The following CEL variants were observed in gnomAD, a reference collection of about 807,000 sequenced individuals.
The protein encoded by CEL is bile salt-activated lipase.
CEL carries 39 observed loss-of-function variants against 57.1 expected under a neutral mutation model. That is an observed-to-expected ratio of 0.68 (90% CI 0.53 to 0.89). The LOEUF (loss-of-function observed/expected upper bound fraction) is 0.89, where lower values mean the gene tolerates loss of function less well. Ranked by LOEUF, CEL falls within the 40% of genes least tolerant of loss-of-function variation. The pLI is 0.00. For synonymous variants in CEL, 314 were observed against 396.6 expected, an observed-to-expected ratio of 0.79 and a Z score of 2.48; for missense variants, 698 against 915.0, an observed-to-expected ratio of 0.76 and a Z score of 3.06.
chr9:133,065,522 T>C (rs560166742), intron 4 of CEL, among the ~76,000 whole-genome samples: 3 of 150,510 alleles, frequency 2.0e-5, no homozygotes, highest in East Asian at 2.0e-4. Context: ...TGAAAATCAC[T>C]GGGAGACCCC....
In CEL at chr9:133,066,493, C is replaced by A. The variant is rs749761906; in HGVS notation, c.539-37C>A. ...CCTCCTGGAGGCCAGGCCTGGGCCA[C>A]TGGTCTCTAGCACCCCCTCCCCTGC... is the stretch of plus-strand genomic sequence containing the variant. On this transcript the variant is annotated intron_variant, in intron 4 of 10. Coordinates refer to ENST00000372080, the MANE Select transcript of CEL (RefSeq NM_001807.6). The surrounding 1 kb of genome is among the most constrained non-coding windows in gnomAD (Gnocchi z 4.3). 6.2e-6 allele frequency: 10 copies of A among 1,613,394 alleles called. No individual in the cohort carries two copies. Among genetic ancestry groups the A allele is most frequent in the Non-Finnish European group, 8.5e-6 (10 of 1,179,932 alleles).
rs1361648890 is a variant in CEL, at chr9:133,071,769, C to T, written c.*5C>T. The T allele has an allele frequency of 6.2e-7, 1 of 1,611,752 alleles. No homozygotes were observed. Among genetic ancestry groups the T allele is most frequent in the Admixed American group, 1.7e-5 (1 of 59,974 alleles). On this transcript the variant is annotated 3_prime_UTR_variant, in exon 11 of 11. Transcript: ENST00000372080. ...CCTGCAGTCATTAGGTTTTAGCGTC[C>T]CATGAGCCTTGGTATCAAGAGGCCA...
At chr9:133,062,257 G>T (rs1489076261) in intron 1 of CEL, among the ~76,000 whole-genome samples, 189 bp downstream of exon 1, 1 of 151,412 alleles carries the variant, frequency 6.6e-6, no homozygotes, top group African/African-American at 2.4e-5. Flanking sequence ...CAGATAAACT[G>T]CCAAGAACTG....
chr9:133,070,430 C>T (rs778738781), intron 9 of CEL, 31 bp from the exon 10 acceptor site: 20 of 1,593,398 alleles, frequency 1.3e-5, no homozygotes, highest in Non-Finnish European at 1.6e-5. Context: ...CAGTGAGCAC[C>T]CTGCCTACTT....
intron 1 of CEL, 120 bp from the exon 2 acceptor site, chr9:133,064,284 G>A: frequency 3.7e-6 from 5 of 1,356,030 alleles, no homozygotes; most frequent in Non-Finnish European, 5.1e-6. Context: ...CCTGTGCAGA[G>A]CTGTCCTGCT....
In CEL at chr9:133,064,774, C is replaced by A. The variant is rs1830148088; in HGVS notation, c.340+12C>A. ...GGGCAGGAAGCAAGGTCTGCCTCCC[C>A]TCTACTCCCCAAGGGACCCTCCCAT... On this transcript the variant is annotated intron_variant, in intron 3 of 10. Transcript: ENST00000372080. 2 of 1,613,868 alleles carry A rather than the reference C, an allele frequency of 1.2e-6. No homozygotes were observed. Among genetic ancestry groups the A allele is most frequent in the Non-Finnish European group, 1.7e-6 (2 of 1,180,002 alleles).
Position 133,064,494 on chromosome 9 carries a change from A to G in CEL, c.157A>G (p.Ile53Val), listed in dbSNP as rs1297762454. 1 of 1,614,026 alleles carries G rather than the reference A, an allele frequency of 6.2e-7. No homozygotes were observed. Among genetic ancestry groups the G allele is most frequent in the African/African-American group, 1.3e-5 (1 of 74,914 alleles). Reference sequence around the variant, plus strand: ...TGACTCTGTGGACATCTTCAAGGGCATCCCCTTCGCAGCTCCCACCAAGGC... The same window carrying G: ...TGACTCTGTGGACATCTTCAAGGGCGTCCCCTTCGCAGCTCCCACCAAGGC... ...LGDSVDIFKG[I>V]PFAAPTKALE... The change falls in exon 2 of 11, where the codon ATC (isoleucine) becomes GTC (valine). Residue 53 changes from isoleucine (I) to valine (V), a missense_variant. Physicochemically the swap from Ile to Val is conservative, Grantham distance 29. Transcript: ENST00000372080.
At position 133,071,647 on chromosome 9, in the gene CEL, G is replaced by T. The variant is rs1309609124; in HGVS notation, c.2145G>T (p.Pro715=). ...GTGACTCCGAGACCGCCCCCGTGCC[G>T]CCCACGGGTGACTCCGGGGCCCCCC... ...PTGDSETAPV[P]PTGDSGAPPV... Residue 715 remains proline (P), a synonymous_variant, in exon 11 of 11, where the codon CCG becomes CCT. Transcript: ENST00000372080. 1.8e-5 allele frequency: 26 copies of T among 1,423,808 alleles called. No individual in the cohort carries two copies. The African/African-American group carries it at 4.4e-4, about 24-fold the overall frequency. The allele number at this position is 1,423,808 out of a possible 1,614,324, so 88.2% of individuals were successfully genotyped here.
chr9:133,069,855 T>C (rs397833500), intron 9 of CEL, among the ~76,000 whole-genome samples: 8 of 152,024 alleles, frequency 5.3e-5, no homozygotes, highest in South Asian at 2.1e-4. Context: ...CCTATAATCC[T>C]AGCTACTCAG....
chr9:133,063,642 A>C (rs1462338564), intron 1 of CEL, among the ~76,000 whole-genome samples: 3 of 152,204 alleles, frequency 2.0e-5, no homozygotes, highest in African/African-American at 7.2e-5. Context: ...GCTTCTCAAC[A>C]GGGTGACTTC....
rs766698174 is a variant in CEL, at chr9:133,071,220, C to T, written c.1718C>T (p.Pro573Leu). 19 of 1,595,604 alleles carry T rather than the reference C, an allele frequency of 1.2e-5. No individual in the cohort carries two copies. In the South Asian group the frequency reaches 2.2e-4, roughly 18 times the overall value. ...GACTCCGAGGCCACTCCCGTGCCCCCCACGGGTGACTCCGAGACCGCCCCC... is the reference window on the plus strand; with the variant it reads ...GACTCCGAGGCCACTCCCGTGCCCCTCACGGGTGACTCCGAGACCGCCCCC... ...TGDSEATPVPPTGDSETAPVP... is the reference protein window; with the variant it reads ...TGDSEATPVPLTGDSETAPVP... The change falls in exon 11 of 11, where the codon CCC becomes CTC. Residue 573 changes from proline (P) to leucine (L), a missense_variant. Transcript: ENST00000372080.
Position 133,071,632 on chromosome 9 carries a change from G to T in CEL, c.2130G>T (p.Glu710Asp), listed in dbSNP as rs1473715371. The T allele has an allele frequency of 2.7e-6, 4 of 1,493,948 alleles. No homozygotes were observed. In the African/African-American group the frequency reaches 6.2e-5, roughly 23 times the overall value. The allele number at this position is 1,493,948 out of a possible 1,614,324, so 92.5% of individuals were successfully genotyped here. Residue 710 changes from glutamate to aspartate, a missense_variant, in exon 11 of 11, where the codon GAG (glutamate) becomes GAT (aspartate). By Grantham distance (45) the Glu-to-Asp change is conservative. Transcript: ENST00000372080. ...CCGTGACCCCCACGGGTGACTCCGA[G>T]ACCGCCCCCGTGCCGCCCACGGGTG... ...APPVTPTGDS[E>D]TAPVPPTGDS...
Position 133,071,234 on chromosome 9 carries a change from G to T in CEL, c.1732G>T (p.Glu578Ter). Residue 578 changes from glutamate to a stop codon, truncating the protein, a stop_gained, in exon 11 of 11, where the codon GAG (glutamate) becomes TAG (stop). Transcript: ENST00000372080. LOFTEE classifies it high-confidence loss of function. ...ATPVPPTGDS[E>*]TAPVPPTGDS... ...TCCCGTGCCCCCCACGGGTGACTCC[G>T]AGACCGCCCCCGTGCCGCCCACGGG... is the stretch of plus-strand genomic sequence containing the variant. 1 of 1,588,788 alleles carries T rather than the reference G, an allele frequency of 6.3e-7. No individual in the cohort carries two copies. The highest frequency in any genetic ancestry group is 2.3e-5 in the East Asian group (1 of 44,072).
At chr9:133,065,006 G>A in intron 3 of CEL, 34 bp from the exon 4 acceptor site, 1 of 1,589,000 alleles carries the variant, frequency 6.3e-7, no homozygotes, top group East Asian at 2.2e-5. Flanking sequence ...GCCAGGCGGG[G>A]CGTCTGGGGT....
At position 133,066,540 on chromosome 9, in the gene CEL, C is replaced by A; in HGVS notation, c.549C>A (p.Gly183=). Reference sequence around the variant, plus strand: ...CTGCCCTGCCCCCAGGTAACTATGGCCTTCGGGATCAGCACATGGCCATTG... The same window carrying A: ...CTGCCCTGCCCCCAGGTAACTATGGACTTCGGGATCAGCACATGGCCATTG... ...TGDANLPGNY[G]LRDQHMAIAW... Residue 183 remains glycine (G), a synonymous_variant, in exon 5 of 11, where the codon GGC becomes GGA. Coordinates refer to ENST00000372080, the MANE Select transcript of CEL (RefSeq NM_001807.6). This position sits in a 1 kb window ranked among gnomAD's most constrained non-coding sequence, Gnocchi z 4.3. The A allele has an allele frequency of 1.9e-6, 3 of 1,614,004 alleles. No individual in the cohort carries two copies. Among genetic ancestry groups the A allele is most frequent in the Non-Finnish European group, 2.5e-6 (3 of 1,180,000 alleles).
rs1830157558 is a variant in CEL at position 133,065,192 on chromosome 9, G to A, written c.493G>A (p.Val165Ile). The A allele has an allele frequency of 1.2e-6, 2 of 1,613,728 alleles. No homozygotes were observed. Among genetic ancestry groups the A allele is most frequent in the African/African-American group, 2.7e-5 (2 of 74,938 alleles). Residue 165 changes from valine to isoleucine, a missense_variant, in exon 4 of 11, where the codon GTC becomes ATC. By Grantham distance (29) the Val-to-Ile change is conservative. Transcript: ENST00000372080. ...CATCGTGGTCACCTTCAACTACCGT[G>A]TCGGCCCCCTTGGGTTCCTCAGCAC... is the stretch of plus-strand genomic sequence containing the variant. ...NVIVVTFNYRVGPLGFLSTGD... is the reference protein window; with the variant it reads ...NVIVVTFNYRIGPLGFLSTGD...
chr9:133,067,933 G>A (rs569733776), intron 7 of CEL, among the ~76,000 whole-genome samples: 2 of 152,290 alleles, frequency 1.3e-5, no homozygotes, highest in African/African-American at 4.8e-5. Context: ...GAAGGCCTGG[G>A]GACCCATTCC....
At chr9:133,067,868 T>A (rs941651867) in intron 7 of CEL, among the ~76,000 whole-genome samples, 2 of 152,194 alleles carry the variant, frequency 1.3e-5, no homozygotes, top group African/African-American at 4.8e-5. Context: ...CAGCAAACAT[T>A]TACTGAACCG....
chr9:133,068,098 C>T (rs1486321401), intron 7 of CEL, among the ~76,000 whole-genome samples: 1 of 152,244 alleles, frequency 6.6e-6, no homozygotes, highest in African/African-American at 2.4e-5. Flanking sequence ...ACAAAGCAAC[C>T]CCCACGGCCC....
Sources: allele counts gnomAD v4.1 joint callset (sites outside exome capture counted in the v4.1 genomes callset), GRCh38; gene constraint gnomAD v4.1.1; non-coding constraint Gnocchi (gnomAD v3.1); transcripts MANE v1.5; gene names NCBI Gene and HGNC (gene_info 2026-07-23, HGNC 2026-07-21).